The following HERPUD1 variants were observed in gnomAD, a reference collection of about 807,000 sequenced individuals.
HERPUD1 encodes homocysteine inducible ER protein with ubiquitin like domain 1.
In HERPUD1, 17 loss-of-function variants were observed where a neutral mutation model predicts 45.0. That is an observed-to-expected ratio of 0.38 (90% confidence interval 0.26 to 0.57). The LOEUF is 0.57. HERPUD1 is among the 20% of genes least tolerant of loss of function. The probability of loss-of-function intolerance (pLI) is 0.72; values close to 1 mark genes in which losing one functional copy is unlikely to be tolerated. For missense variants in HERPUD1, 420 were observed against 490.5 expected, an observed-to-expected ratio of 0.86 and a Z score of 1.36; for synonymous variants, 164 against 177.5, an observed-to-expected ratio of 0.92 and a Z score of 0.61.
In HERPUD1 at chr16:56,932,146, C is replaced by A; in HGVS notation, c.-99C>A. The A allele has an allele frequency of 6.5e-7, 1 of 1,543,296 alleles. No individual in the cohort carries two copies. Among genetic ancestry groups the A allele is most frequent in the African/African-American group, 1.4e-5 (1 of 73,372 alleles). On this transcript the variant is annotated 5_prime_UTR_variant, in exon 1 of 8. Coordinates refer to ENST00000439977, the MANE Select transcript of HERPUD1 (RefSeq NM_014685.4). ...GCGCCCGAAGCGGGGGCGCGCGCCC[C>A]AGAGACGTGAACTGTCGTTGCAGAG...
In HERPUD1 at chr16:56,935,388, G is replaced by T. The variant is rs747869553; in HGVS notation, c.226-13G>T. ...TAGGTTCAGGTCCTTAAGTACCTTC[G>T]TATTACTTTTAGCAGGAAAAACGGC... On this transcript the variant is annotated splice_polypyrimidine_tract_variant and intron_variant, in intron 2 of 7. Coordinates refer to ENST00000439977, the MANE Select transcript of HERPUD1 (RefSeq NM_014685.4). 20 of 1,613,818 alleles carry T rather than the reference G, an allele frequency of 1.2e-5. No homozygotes were observed. The highest frequency in any genetic ancestry group is 1.6e-5 in the Non-Finnish European group (19 of 1,179,774).
Position 56,943,372 on chromosome 16 carries a change from C to A in HERPUD1, c.*82C>A. On this transcript the variant is annotated 3_prime_UTR_variant, in exon 8 of 8. Coordinates refer to ENST00000439977, the MANE Select transcript of HERPUD1 (RefSeq NM_014685.4). The stretch of plus-strand genomic sequence containing the variant: ...CTCCAGCTAGATTGCCTCTCCTGGA[C>A]ATGGCAATGATGAGTTTTTAAAAAA... 6.9e-7 allele frequency: 1 copy of A among 1,458,978 alleles called. No homozygotes were observed. The highest frequency in any genetic ancestry group is 9.6e-7 in the Non-Finnish European group (1 of 1,039,404). 90.4% of individuals were successfully genotyped at this position (1,458,978 alleles called of 1,614,324 possible). A position where few individuals can be genotyped will look rare whatever the true frequency, so the allele number is the denominator to read the frequency against.
chr16:56,943,088 C>A (rs1403851503), intron 7 of HERPUD1, 38 bp from the exon 8 acceptor site: 9 of 1,601,784 alleles, frequency 5.6e-6, no homozygotes, highest in Non-Finnish European at 7.7e-6. Context: ...TAATTGTTTT[C>A]TCATTGTTTC....
chr16:56,935,991 C>T (rs956024437), intron 3 of HERPUD1: 7 of 155,172 alleles, frequency 4.5e-5, no homozygotes, highest in Non-Finnish European at 8.6e-5. Context: ...TGAGGGCAAG[C>T]GATCCTCCCA....
At chr16:56,941,582 G>T (rs1052479083) in intron 6 of HERPUD1, 1 of 152,142 alleles carries the variant, frequency 6.6e-6, no homozygotes, top group Admixed American at 6.5e-5. Flanking sequence ...AGTAAAAATG[G>T]ATTTTTATTT....
In HERPUD1 at chr16:56,943,171, G is replaced by C. The variant is rs753977621; in HGVS notation, c.1057G>C (p.Asp353His). The C allele has an allele frequency of 3.1e-6, 5 of 1,614,176 alleles. No individual in the cohort carries two copies. The East Asian group carries it at 1.1e-4, about 36-fold the overall frequency. ...ETEDPNHLPP[D>H]RDVLDGEQTS... ...TGAAGACCCCAACCACCTCCCTCCA[G>C]ACAGGGATGTACTAGATGGCGAGCA... Residue 353 changes from aspartate to histidine, a missense_variant, in exon 8 of 8, where the codon GAC (aspartate) becomes CAC (histidine). Physicochemically the swap from Asp to His is moderately conservative, Grantham distance 81. Transcript: ENST00000439977.
At chr16:56,932,435 G>C in intron 1 of HERPUD1, 44 bp downstream of exon 1, 1 of 1,472,522 alleles carries the variant, frequency 6.8e-7, no homozygotes, top group Non-Finnish European at 9.0e-7. Flanking sequence ...GTGGCCCCCC[G>C]CCCTCTGCTG....
chr16:56,939,372 C>T lies in HERPUD1; in HGVS notation c.554+13C>T, dbSNP rs377520144. The T allele has an allele frequency of 3.7e-5, 60 of 1,613,860 alleles. No homozygotes were observed. The highest frequency in any genetic ancestry group is 4.5e-5 in the Non-Finnish European group (53 of 1,179,976). On this transcript the variant is annotated intron_variant, in intron 5 of 7. Coordinates refer to ENST00000439977, the MANE Select transcript of HERPUD1 (RefSeq NM_014685.4). ...ACTACATGCAATAGTGAGTCCTTCC[C>T]GCCATGCTGGGTGTGGCCAGGGCTC...
At chr16:56,940,363 G>T (rs1456005206) in intron 6 of HERPUD1, 118 bp downstream of exon 6, 2 of 709,566 alleles carry the variant, frequency 2.8e-6, no homozygotes, top group African/African-American at 3.5e-5. Flanking sequence ...ATTCAGGCTG[G>T]AGTACAATGG....
intron 4 of HERPUD1, among the ~76,000 whole-genome samples, chr16:56,938,738 C>A (rs1277794482): frequency 6.6e-6 from 1 of 152,092 alleles, no homozygotes; most frequent in Non-Finnish European, 1.5e-5. Flanking sequence ...CTGTACAGGA[C>A]CCCCGGTGGT....
At chr16:56,942,010 A>G in intron 6 of HERPUD1, 122 bp from the exon 7 acceptor site, 1 of 720,952 alleles carries the variant, frequency 1.4e-6, no homozygotes, top group Non-Finnish European at 2.5e-6. Flanking sequence ...ATGCCTCTGT[A>G]GATGGGTCTT....
intron 1 of HERPUD1, among the ~76,000 whole-genome samples, chr16:56,933,539 C>T (rs1406581406): frequency 6.6e-6 from 1 of 152,114 alleles, no homozygotes; most frequent in Non-Finnish European, 1.5e-5. Context: ...AGGATTTTGG[C>T]GGAGGATTTT....
intron 3 of HERPUD1, 65 bp downstream of exon 3, chr16:56,935,540 G>T: frequency 7.4e-7 from 1 of 1,358,892 alleles, no homozygotes; most frequent in Non-Finnish European, 1.1e-6. Flanking sequence ...AGTAATAAAA[G>T]AAGTTGGATA....
Sources: allele counts gnomAD v4.1 joint callset (sites outside exome capture counted in the v4.1 genomes callset), GRCh38; gene constraint gnomAD v4.1.1; transcripts MANE v1.5; gene names NCBI Gene and HGNC (gene_info 2026-07-23, HGNC 2026-07-21).